QRSL1: variants seen among roughly 807,000 people sequenced by gnomAD.
QRSL1 encodes glutaminyl-tRNA amidotransferase subunit QRSL1, also known as glutamyl-tRNA(Gln) amidotransferase subunit A, mitochondrial.
In QRSL1, 54 loss-of-function variants were observed where a neutral mutation model predicts 61.6. The ratio of observed to expected loss-of-function variants is 0.88; its 90% CI spans 0.70 to 1.10. The LOEUF (loss-of-function observed/expected upper bound fraction) is 1.10, where lower values mean the gene tolerates loss of function less well. Among genes scored for constraint, QRSL1 ranks in the 50% least tolerant of loss-of-function variants. The pLI is 0.00. For missense variants in QRSL1, 505 were observed against 622.6 expected (o/e 0.81, Z 2.01); for synonymous variants, 228 against 225.7 (o/e 1.01, Z -0.09).
chr6:106,643,789 T>C (rs1430619368), intron 4 of QRSL1, among the ~76,000 whole-genome samples: 1 of 152,192 alleles, frequency 6.6e-6, no homozygotes, highest in Non-Finnish European at 1.5e-5. Flanking sequence ...CTTTTTATTC[T>C]CTGAACATGC....
At chr6:106,657,764 G>T (rs1777294141) in intron 9 of QRSL1, among the ~76,000 whole-genome samples, 1 of 152,066 alleles carries the variant, frequency 6.6e-6, no homozygotes, top group African/African-American at 2.4e-5. Flanking sequence ...GGAGTGCAAT[G>T]GCACGATCTC....
Position 106,643,106 on chromosome 6 carries a change from A to G in QRSL1, c.380+16A>G. The G allele has an allele frequency of 1.3e-6, 2 of 1,526,194 alleles. No individual in the cohort carries two copies. The highest frequency in any genetic ancestry group is 2.8e-5 in the African/African-American group (2 of 72,498). 94.5% of individuals were successfully genotyped at this position (1,526,194 alleles called of 1,614,324 possible). ...TTGCTATGGGGTAAGTAAAATTGAA[A>G]TCTTCTCTTGAGTTTCTTCTGTCTG... is the stretch of plus-strand genomic sequence containing the variant. On this transcript the variant is annotated intron_variant, in intron 4 of 10. Transcript: ENST00000369046.
At chr6:106,658,475 G>A (rs1308225939) in intron 9 of QRSL1, among the ~76,000 whole-genome samples, 1 of 152,098 alleles carries the variant, frequency 6.6e-6, no homozygotes, top group African/African-American at 2.4e-5. Context: ...GATTGCTTGA[G>A]CCCAGGAGTG....
intron 9 of QRSL1, among the ~76,000 whole-genome samples, chr6:106,656,631 G>A (rs79353397): frequency 0.044 from 6,721 of 152,286 alleles, 219 homozygotes; most frequent in Middle Eastern, 0.078. Context: ...TTATTCATCT[G>A]CGTATCCTCT....
At chr6:106,652,739 C>A in intron 7 of QRSL1, 157 bp downstream of exon 7, 1 of 1,531,546 alleles carries the variant, frequency 6.5e-7, no homozygotes, top group Non-Finnish European at 8.8e-7. Flanking sequence ...GCTCAATTTC[C>A]CCATCTGTAA....
At chr6:106,652,772 A>T in intron 7 of QRSL1, 190 bp downstream of exon 7, 1 of 1,498,614 alleles carries the variant, frequency 6.7e-7, no homozygotes, top group Non-Finnish European at 8.9e-7. Context: ...AAAAATACTG[A>T]CTTCAGAGAG....
At chr6:106,648,442 C>CT (rs1777147137) in intron 4 of QRSL1, among the ~76,000 whole-genome samples, 1 of 152,006 alleles carries the variant, frequency 6.6e-6, no homozygotes, top group Non-Finnish European at 1.5e-5. Flanking sequence ...GTAAGTTACC[C>CT]TTAAGATACC....
rs1582417711 is a variant in QRSL1 at position 106,654,760 on chromosome 6, G to A, written c.880G>A (p.Val294Ile). 6.2e-7 allele frequency: 1 copy of A among 1,612,386 alleles called. No homozygotes were observed. The highest frequency in any genetic ancestry group is 1.3e-5 in the African/African-American group (1 of 74,940). Residue 294 changes from valine to isoleucine, a missense_variant, in exon 8 of 11, where the codon GTA becomes ATA. Coordinates refer to ENST00000369046, the MANE Select transcript of QRSL1 (RefSeq NM_018292.5). ...TCTTGTACCGGAATTATCAAGTGAAGTACAGTCTCTTTGGTCCAAAGCTGC... is the reference window on the plus strand; with the variant it reads ...TCTTGTACCGGAATTATCAAGTGAAATACAGTCTCTTTGGTCCAAAGCTGC... ...EYLVPELSSE[V>I]QSLWSKAADL... is the part of the protein sequence containing the mutation.
chr6:106,649,588 C>G (rs1252370114), intron 5 of QRSL1, among the ~76,000 whole-genome samples: 1 of 151,958 alleles, frequency 6.6e-6, no homozygotes, highest in East Asian at 1.9e-4. Flanking sequence ...TGCTGCTGAA[C>G]TAAACTGTTG....
chr6:106,662,238 C>A (rs1021655539), intron 9 of QRSL1, among the ~76,000 whole-genome samples: 1 of 152,116 alleles, frequency 6.6e-6, no homozygotes. Flanking sequence ...ATCTTAGTAA[C>A]CTTTAGAAAG....
chr6:106,656,239 A>G (rs963984653), intron 9 of QRSL1, among the ~76,000 whole-genome samples: 2 of 152,234 alleles, frequency 1.3e-5, no homozygotes, highest in African/African-American at 4.8e-5. Context: ...CAAACCCCCA[A>G]CGGACACCAA....
chr6:106,642,877 T>G (rs1412509582), intron 3 of QRSL1, 117 bp from the exon 4 acceptor site: 1 of 826,912 alleles, frequency 1.2e-6, no homozygotes, highest in African/African-American at 1.7e-5. Context: ...TGAGAACCAA[T>G]GGGAAGGCTC....
intron 4 of QRSL1, among the ~76,000 whole-genome samples, chr6:106,643,451 A>G (rs1481315716): frequency 6.6e-6 from 1 of 152,160 alleles, no homozygotes; most frequent in Non-Finnish European, 1.5e-5. Flanking sequence ...AGTCCGAGGC[A>G]GGTGGATCAA....
chr6:106,662,414 A>G (rs1777371556), intron 9 of QRSL1, among the ~76,000 whole-genome samples: 1 of 152,130 alleles, frequency 6.6e-6, no homozygotes, highest in South Asian at 2.1e-4. Flanking sequence ...GAGTGGCAAC[A>G]CAGTGGAAGA....
chr6:106,656,568 T>C (rs926714023), intron 9 of QRSL1, among the ~76,000 whole-genome samples: 2 of 152,368 alleles, frequency 1.3e-5, no homozygotes, highest in Non-Finnish European at 2.9e-5. Flanking sequence ...TTGGTTATTG[T>C]AATGAAGAGC....
intron 7 of QRSL1, among the ~76,000 whole-genome samples, chr6:106,654,147 C>T (rs11968474): frequency 5.3e-5 from 8 of 151,834 alleles, no homozygotes; most frequent in African/African-American, 1.5e-4. Context: ...GTCAGGAGAT[C>T]GAGACCATCC....
At position 106,649,179 on chromosome 6, in the gene QRSL1, G is replaced by A. The variant is rs774337465; in HGVS notation, c.535G>A (p.Val179Ile). 1.9e-6 allele frequency: 3 copies of A among 1,614,144 alleles called. No homozygotes were observed. The highest frequency in any genetic ancestry group is 2.2e-5 in the East Asian group (1 of 44,874). The change falls in exon 5 of 11, where the codon GTA becomes ATA. Residue 179 changes from valine to isoleucine, a missense_variant. Coordinates refer to ENST00000369046, the MANE Select transcript of QRSL1 (RefSeq NM_018292.5). The part of the protein sequence containing the change: ...GGSSGGSAAA[V>I]SAFTCYAALG... Reference sequence around the variant, plus strand: ...AAGCTCAGGTGGGAGTGCAGCTGCTGTATCGGCGTTCACATGCTACGCGTA... The same window carrying A: ...AAGCTCAGGTGGGAGTGCAGCTGCTATATCGGCGTTCACATGCTACGCGTA...
rs908611996 is a variant in QRSL1, at chr6:106,649,964, T to G, written c.557+763T>G. On this transcript the variant is annotated intron_variant, in intron 5 of 10. Transcript: ENST00000369046. The stretch of plus-strand genomic sequence containing the variant: ...AATTATCCATTAAAACTAAGTTCTT[T>G]CACACACATTGCAATCCATAAATCA... Among the ~76,000 whole-genome samples the G allele has an allele frequency of 1.5e-3, 224 of 152,340 alleles. 1 individual carries two copies. Among genetic ancestry groups the G allele is most frequent in the African/African-American group, 5.2e-3 (217 of 41,584 alleles).
rs746261877 is a variant in QRSL1, at chr6:106,665,890, A to G, written c.1475A>G (p.Lys492Arg). 7 of 1,613,998 alleles carry G rather than the reference A, an allele frequency of 4.3e-6. No individual in the cohort carries two copies. The highest frequency in any genetic ancestry group is 3.3e-5 in the Admixed American group (2 of 60,020). ...FCDQQLLTVA[K>R]WFEKQVQFPV... ...GACCAGCAGCTTCTTACAGTAGCCA[A>G]ATGGTTTGAAAAACAAGTACAGTTT... Residue 492 changes from lysine to arginine, a missense_variant, in exon 11 of 11, where the codon AAA becomes AGA. Lys to Arg is a conservative substitution (Grantham distance 26). Transcript: ENST00000369046.
Sources: allele counts gnomAD v4.1 joint callset (sites outside exome capture counted in the v4.1 genomes callset), GRCh38; gene constraint gnomAD v4.1.1; transcripts MANE v1.5; gene names NCBI Gene and HGNC (gene_info 2026-07-23, HGNC 2026-07-21).